RARB: variants seen among roughly 807,000 people sequenced by gnomAD.
RARB encodes retinoic acid receptor beta, also known as HBV-activated protein.
A neutral mutation model predicts 51.9 loss-of-function variants in RARB; 17 were observed. That is an observed-to-expected ratio of 0.33 (90% CI 0.22 to 0.49). RARB has a LOEUF of 0.49. RARB is among the 20% of genes least tolerant of loss of function. RARB has a pLI of 0.99. For synonymous variants in RARB, 215 were observed against 195.4 expected (o/e 1.10, Z -0.84); for missense variants, 369 against 550.8 (o/e 0.67, Z 3.30).
intron 5 of RARB, among the ~76,000 whole-genome samples, chr3:25,371,040 A>C (rs1022016877): frequency 2.0e-5 from 3 of 152,126 alleles, no homozygotes; most frequent in South Asian, 2.1e-4. Context: ...CATTGGATTT[A>C]GGGCCCCCTT....
At chr3:24,966,719 A>G (rs575195532) in intron 2 of RARB, among the ~76,000 whole-genome samples, 28 of 152,164 alleles carry the variant, frequency 1.8e-4, no homozygotes, top group African/African-American at 6.5e-4. Context: ...TGTCTAAAGT[A>G]TGGGTTCACC....
At chr3:25,307,538 G>C (rs1299031409) in intron 5 of RARB, among the ~76,000 whole-genome samples, 2 of 152,156 alleles carry the variant, frequency 1.3e-5, no homozygotes, top group Non-Finnish European at 2.9e-5. Context: ...CCAACAGTGA[G>C]CCAGGTTTGA....
At chr3:25,404,005 A>G (rs1323233839) in intron 5 of RARB, among the ~76,000 whole-genome samples, 1 of 151,338 alleles carries the variant, frequency 6.6e-6, no homozygotes, top group Admixed American at 6.6e-5. Flanking sequence ...TCTGGACAAG[A>G]TCCACCTGGA....
At chr3:25,118,265 A>C (rs1246524699) in intron 3 of RARB, among the ~76,000 whole-genome samples, 1 of 152,122 alleles carries the variant, frequency 6.6e-6, no homozygotes, top group Non-Finnish European at 1.5e-5. Flanking sequence ...CCAAGATAAA[A>C]TTAATGGAAA....
In RARB at chr3:25,016,686, G is replaced by A. The variant is rs540560938; in HGVS notation, c.-379-43439G>A. ...TTTCCATTGTGACACCCCTCATGGT[G>A]TGGCAGAAATTCAATCATGGTCAAT... is the stretch of plus-strand genomic sequence containing the variant. On this transcript the variant is annotated intron_variant, in intron 2 of 11. Transcript: ENST00000383772. Among the ~76,000 whole-genome samples, 100 of 152,200 alleles carry A rather than the reference G, an allele frequency of 6.6e-4. 1 individual carries two copies. Among genetic ancestry groups the A allele is most frequent in the African/African-American group, 2.2e-3 (93 of 41,540 alleles).
chr3:24,939,990 C>A (rs1165657616), intron 2 of RARB, among the ~76,000 whole-genome samples: 2 of 152,178 alleles, frequency 1.3e-5, no homozygotes, highest in African/African-American at 4.8e-5. Context: ...TGATTCTAAT[C>A]AAAACAATGT....
chr3:24,883,425 CAA>C (rs1172617972), intron 2 of RARB, among the ~76,000 whole-genome samples: 2 of 148,730 alleles, frequency 1.3e-5, no homozygotes, highest in Non-Finnish European at 3.0e-5. Flanking sequence ...TTTTTAAACT[CAA>C]AAGAGTGGTG....
chr3:25,337,697 T>C (rs1705103883), intron 5 of RARB, among the ~76,000 whole-genome samples: 1 of 152,150 alleles, frequency 6.6e-6, no homozygotes, highest in Non-Finnish European at 1.5e-5. Flanking sequence ...CTCATTAAGA[T>C]ACCCTCAGCC....
At chr3:25,259,953 G>C (rs1204175810) in intron 5 of RARB, 1 of 985,298 alleles carries the variant, frequency 1.0e-6, no homozygotes, top group African/African-American at 1.7e-5. Flanking sequence ...GGGGAGGGGG[G>C]CAGTCAGTGT....
chr3:25,193,540 G>A (rs986318775), intron 5 of RARB, among the ~76,000 whole-genome samples: 1 of 151,916 alleles, frequency 6.6e-6, no homozygotes, highest in African/African-American at 2.4e-5. Flanking sequence ...TTGCTTGTCA[G>A]CATCTCATTC....
intron 5 of RARB, among the ~76,000 whole-genome samples, chr3:25,189,332 G>A (rs970268632): frequency 1.3e-5 from 2 of 152,052 alleles, no homozygotes; most frequent in African/African-American, 4.8e-5. Context: ...TAGCCTTCGG[G>A]CAATTATCCA....
chr3:24,935,799 A>C (rs1396038318), intron 2 of RARB, among the ~76,000 whole-genome samples: 2 of 152,150 alleles, frequency 1.3e-5, no homozygotes, highest in African/African-American at 4.8e-5. Flanking sequence ...CATAATCATA[A>C]CTGAATTGCA....
chr3:25,074,363 G>C (rs751850585), intron 3 of RARB, among the ~76,000 whole-genome samples: 6 of 152,136 alleles, frequency 3.9e-5, no homozygotes, highest in Non-Finnish European at 8.8e-5. Flanking sequence ...TGATAGGAGT[G>C]TGTTTATTTT....
intron 2 of RARB, among the ~76,000 whole-genome samples, chr3:25,045,340 G>A (rs1008618123): frequency 1.4e-4 from 21 of 152,158 alleles, no homozygotes; most frequent in African/African-American, 4.6e-4. Context: ...GGAAGACTGG[G>A]GTTCTGCAGT....
intron 3 of RARB, among the ~76,000 whole-genome samples, chr3:25,523,597 C>T (rs570738510): frequency 6.6e-6 from 1 of 152,078 alleles, no homozygotes. Context: ...GGGTTTTTCA[C>T]CAGCTGAACT....
chr3:25,075,683 A>G (rs895638855), intron 3 of RARB, among the ~76,000 whole-genome samples: 1 of 152,118 alleles, frequency 6.6e-6, no homozygotes, highest in Non-Finnish European at 1.5e-5. Context: ...GGAAAAAAAA[A>G]AAAAACCTGT....
intron 5 of RARB, among the ~76,000 whole-genome samples, chr3:25,356,743 T>A (rs755464948): frequency 6.6e-6 from 1 of 152,074 alleles, no homozygotes; most frequent in African/African-American, 2.4e-5. Flanking sequence ...CAACTCCTAA[T>A]TATGAGTGAG....
At chr3:25,471,026 A>C (rs771347856) in intron 2 of RARB, among the ~76,000 whole-genome samples, 3 of 152,134 alleles carry the variant, frequency 2.0e-5, no homozygotes, top group Non-Finnish European at 4.4e-5. Flanking sequence ...ATAACGCATA[A>C]TAAGATATAA....
chr3:25,044,406 C>T (rs1019097427), intron 2 of RARB, among the ~76,000 whole-genome samples: 3 of 152,084 alleles, frequency 2.0e-5, no homozygotes, highest in African/African-American at 7.2e-5. Context: ...TATCCAGACC[C>T]TTCATTAATA....
Sources: gnomAD v4.1 joint callset for allele counts (sites outside exome capture counted in the v4.1 genomes callset) on GRCh38, gnomAD v4.1.1 for gene constraint, MANE v1.5 for transcripts, NCBI Gene and HGNC (gene_info 2026-07-23, HGNC 2026-07-21) for gene names.